TAP2: variants seen among roughly 807,000 people sequenced by gnomAD.
TAP2 encodes antigen peptide transporter 2.
In TAP2, 49 loss-of-function variants were observed where a neutral mutation model predicts 74.7. The observed-to-expected ratio is 0.66, with a 90% CI of 0.52 to 0.83. The LOEUF (loss-of-function observed/expected upper bound fraction) is 0.83. Among genes scored for constraint, TAP2 ranks in the 40% least tolerant of loss-of-function variants. The pLI, the probability that TAP2 is intolerant of heterozygous loss-of-function variation, is 0.00. For missense variants in TAP2, 739 were observed against 859.0 expected, an observed-to-expected ratio of 0.86 and a Z score of 1.75; for synonymous variants, 306 against 368.4, an observed-to-expected ratio of 0.83 and a Z score of 1.94.
chr6:32,822,143 G>A, downstream of TAP2: 2 of 682,012 alleles, frequency 2.9e-6, no homozygotes, highest in Non-Finnish European at 5.1e-6. Context: ...CTCACCCGAA[G>A]TATTGTTTTA....
In TAP2 at chr6:32,829,457, C is replaced by T. The variant is rs554667350; in HGVS notation, c.1875G>A (p.Pro625=). Residue 625 remains proline (P), a synonymous_variant, in exon 11 of 12, where the codon CCG becomes CCA. Transcript: ENST00000374897. The part of the protein sequence containing the change: ...LAIARALVRD[P]RVLILDEATS... Reference sequence around the variant, plus strand: ...TAGCCTCATCCAGGATGAGGACCCGCGGGTCTCGTACAAGGGCCCGGGCAA... The same window carrying T: ...TAGCCTCATCCAGGATGAGGACCCGTGGGTCTCGTACAAGGGCCCGGGCAA... The T allele has an allele frequency of 3.8e-5, 62 of 1,613,436 alleles. 1 individual carries two copies. Among genetic ancestry groups the T allele is most frequent in the Middle Eastern group, 1.7e-4 (1 of 6,060 alleles).
downstream of TAP2, chr6:32,822,241 A>C (rs1297018657): frequency 4.2e-6 from 6 of 1,413,142 alleles, no homozygotes; most frequent in Non-Finnish European, 5.9e-6. Flanking sequence ...TTTGTTCCAC[A>C]TATTCGTTCA....
chr6:32,830,918 A>G, intron 7 of TAP2, 112 bp from the exon 8 acceptor site: 3 of 964,076 alleles, frequency 3.1e-6, no homozygotes, highest in Non-Finnish European at 4.8e-6. Context: ...CTCCATACTC[A>G]AAAGAGATTC....
At position 32,835,050 on chromosome 6, in the gene TAP2, G is replaced by A. The variant is rs1769321301; in HGVS notation, c.945+104C>T. On this transcript the variant is annotated intron_variant, in intron 5 of 11. Coordinates refer to ENST00000374897, the MANE Select transcript of TAP2 (RefSeq NM_001290043.2). The surrounding 1 kb of genome is among the most constrained non-coding windows in gnomAD (Gnocchi z 4.0). ...ATATACCTTCTCCCCTAATGGCTGAGAAGAGAACATCTCTCTCTAGGGGAT... is the reference window on the plus strand; with the variant it reads ...ATATACCTTCTCCCCTAATGGCTGAAAAGAGAACATCTCTCTCTAGGGGAT... 1 of 1,222,396 alleles carries A rather than the reference G, an allele frequency of 8.2e-7. No individual in the cohort carries two copies. The highest frequency in any genetic ancestry group is 2.4e-5 in the East Asian group (1 of 41,028). The allele number at this position is 1,222,396 out of a possible 1,614,324, so 75.7% of individuals were successfully genotyped here. A position where few individuals can be genotyped will look rare whatever the true frequency, so the allele number is the denominator to read the frequency against.
At chr6:32,825,171 T>C (rs776222752), downstream of TAP2, among the ~76,000 whole-genome samples, 1 of 137,814 alleles carries the variant, frequency 7.3e-6, no homozygotes, top group Non-Finnish European at 1.6e-5. Context: ...AACTCATATG[T>C]TGCTGCTGGA....
At position 32,827,933 on chromosome 6, in the gene TAP2, C is replaced by T; in HGVS notation, c.*973G>A. On this transcript the variant is annotated 3_prime_UTR_variant, in exon 12 of 12. Coordinates refer to ENST00000374897, the MANE Select transcript of TAP2 (RefSeq NM_001290043.2). Reference sequence around the variant, plus strand: ...ATGAGTGAAGACTATAACAACGGGACTGGAGAGAAGAGAATAGATTCTGAA... The same window carrying T: ...ATGAGTGAAGACTATAACAACGGGATTGGAGAGAAGAGAATAGATTCTGAA... The T allele has an allele frequency of 1.0e-6, 1 of 983,184 alleles. No individual in the cohort carries two copies. Among genetic ancestry groups the T allele is most frequent in the Non-Finnish European group, 1.2e-6 (1 of 827,976 alleles). The allele number at this position is 983,184 out of a possible 1,614,324, so 60.9% of individuals were successfully genotyped here. A position where few individuals can be genotyped will look rare whatever the true frequency, so the allele number is the denominator to read the frequency against.
At chr6:32,829,088 T>C in intron 11 of TAP2, 54 bp from the exon 12 acceptor site, 1 of 1,518,610 alleles carries the variant, frequency 6.6e-7, no homozygotes, top group Non-Finnish European at 8.9e-7. Flanking sequence ...GGACACCACA[T>C]CCACCTGGGC....
At position 32,835,768 on chromosome 6, in the gene TAP2, A is replaced by G; in HGVS notation, c.614T>C (p.Leu205Pro). The G allele has an allele frequency of 6.2e-7, 1 of 1,613,176 alleles. No homozygotes were observed. Among genetic ancestry groups the G allele is most frequent in the Non-Finnish European group, 8.5e-7 (1 of 1,180,028 alleles). The change falls in exon 4 of 12, where the codon CTG becomes CCG. Residue 205 changes from leucine (L) to proline (P), a missense_variant. Transcript: ENST00000374897. This position sits in a 1 kb window ranked among gnomAD's most constrained non-coding sequence, Gnocchi z 4.0. ...FMCLFSFGSS[L>P]SAGCRGGCFT... ...GCAGCCTCCTCGGCAGCCTGCAGACAGTGAGCTGTGGGGTAGGAGAATAAG... is the reference window on the plus strand; with the variant it reads ...GCAGCCTCCTCGGCAGCCTGCAGACGGTGAGCTGTGGGGTAGGAGAATAAG...
At chr6:32,831,465 A>G (rs1006727499) in intron 7 of TAP2, among the ~76,000 whole-genome samples, 3 of 152,378 alleles carry the variant, frequency 2.0e-5, no homozygotes, top group Admixed American at 6.5e-5. Flanking sequence ...ATGTTGCCAC[A>G]AATAGAGAAC....
chr6:32,830,107 G>GGGCAGA lies in TAP2; in HGVS notation c.1636-24_1636-19dup. The stretch of plus-strand genomic sequence containing the variant: ...GAAACCACCTGTGCAGCAGGGACAG[G>GGGCAGA]GGCAGAGGACTATGTGTAAACCCCC... On this transcript the variant is annotated intron_variant, in intron 9 of 11. Transcript: ENST00000374897. The GGGCAGA allele has an allele frequency of 6.2e-7, 1 of 1,612,878 alleles. No homozygotes were observed. The highest frequency in any genetic ancestry group is 8.5e-7 in the Non-Finnish European group (1 of 1,180,000).
At position 32,827,297 on chromosome 6, in the gene TAP2, G is replaced by A. The variant is rs1249007115; in HGVS notation, c.*1609C>T. ...TTCAGTGGTGGGAGTGGGCAGGGAG[G>A]ATTAAGATTAGTACGATGGTGGAGA... is the stretch of plus-strand genomic sequence containing the variant. On this transcript the variant is annotated 3_prime_UTR_variant, in exon 12 of 12. Coordinates refer to ENST00000374897, the MANE Select transcript of TAP2 (RefSeq NM_001290043.2). 1 of 985,312 alleles carries A rather than the reference G, an allele frequency of 1.0e-6. No homozygotes were observed. The highest frequency in any genetic ancestry group is 1.2e-6 in the Non-Finnish European group (1 of 829,940). The allele number at this position is 985,312 out of a possible 1,614,324, so 61.0% of individuals were successfully genotyped here. A position where few individuals can be genotyped will look rare whatever the true frequency, so the allele number is the denominator to read the frequency against.
chr6:32,832,814 C>A lies in TAP2; in HGVS notation c.956G>T (p.Arg319Leu). Residue 319 changes from arginine to leucine, a missense_variant, in exon 6 of 12, where the codon CGG becomes CTG. Coordinates refer to ENST00000374897, the MANE Select transcript of TAP2 (RefSeq NM_001290043.2). This position sits in a 1 kb window ranked among gnomAD's most constrained non-coding sequence, Gnocchi z 5.9. Reference sequence around the variant, plus strand: ...CCTGGCCACTGCATCCTGGATCTCCCGAAGCACTTCCTGGAAAAGAGGGCC... The same window carrying A: ...CCTGGCCACTGCATCCTGGATCTCCAGAAGCACTTCCTGGAAAAGAGGGCC... ...VYNTRHQEVL[R>L]EIQDAVARAG... 1 of 1,612,438 alleles carries A rather than the reference C, an allele frequency of 6.2e-7. No individual in the cohort carries two copies. The highest frequency in any genetic ancestry group is 8.5e-7 in the Non-Finnish European group (1 of 1,180,026).
At chr6:32,830,237 C>T in intron 9 of TAP2, 30 bp downstream of exon 9, 1 of 1,612,924 alleles carries the variant, frequency 6.2e-7, no homozygotes, top group Non-Finnish European at 8.5e-7. Context: ...CTCCCCTCTC[C>T]TGTCCCCTGT....
chr6:32,822,384 T>C, downstream of TAP2: 1 of 1,043,502 alleles, frequency 9.6e-7, no homozygotes, highest in Non-Finnish European at 1.4e-6. Context: ...TGCTAGAATC[T>C]GTTTGCAATG....
chr6:32,829,853 A>G (rs1020809076), intron 10 of TAP2, 77 bp downstream of exon 10: 4 of 1,585,860 alleles, frequency 2.5e-6, no homozygotes, highest in Non-Finnish European at 3.5e-6. Context: ...CTACAGGGAC[A>G]CGACCTTCAC....
At chr6:32,838,551 T>G in intron 1 of TAP2, 102 bp downstream of exon 1, 1 of 323,604 alleles carries the variant, frequency 3.1e-6, no homozygotes, top group East Asian at 4.8e-5. Context: ...CGCTCCCTCC[T>G]ATCGCCGGGT....
At chr6:32,833,815 T>C (rs959526583) in intron 5 of TAP2, among the ~76,000 whole-genome samples, 2 of 152,214 alleles carry the variant, frequency 1.3e-5, no homozygotes, top group Non-Finnish European at 2.9e-5. Flanking sequence ...AGGAGGTAAT[T>C]GAATCATGAG....
chr6:32,832,615 C>A lies in TAP2; in HGVS notation c.1143+12G>T. On this transcript the variant is annotated intron_variant, in intron 6 of 11. Transcript: ENST00000374897. The surrounding 1 kb of genome is among the most constrained non-coding windows in gnomAD (Gnocchi z 5.9). ...TTCCTGGGCTCCTTTCACAACCACT[C>A]TGGTATCTTACCCTCCTTACGAGCA... is the stretch of plus-strand genomic sequence containing the variant. 4.3e-6 allele frequency: 7 copies of A among 1,613,108 alleles called. No homozygotes were observed. Among genetic ancestry groups the A allele is most frequent in the Non-Finnish European group, 5.9e-6 (7 of 1,180,036 alleles).
rs1336154902 is a variant in TAP2 at position 32,838,731 on chromosome 6, A to G, written c.-83T>C. 6.5e-6 allele frequency: 1 copy of G among 154,980 alleles called. No homozygotes were observed. Among genetic ancestry groups the G allele is most frequent in the Non-Finnish European group, 1.4e-5 (1 of 70,110 alleles). The allele number at this position is 154,980 out of a possible 1,614,324, so 9.6% of individuals were successfully genotyped here. A position where few individuals can be genotyped will look rare whatever the true frequency, so the allele number is the denominator to read the frequency against. On this transcript the variant is annotated 5_prime_UTR_variant, in exon 1 of 12. Coordinates refer to ENST00000374897, the MANE Select transcript of TAP2 (RefSeq NM_001290043.2). ...CCGCTCCGTCTCTCCCAACCTCGCT[A>G]CCGGCTCTGGTCCGCCAGCTACGCT... is the stretch of plus-strand genomic sequence containing the variant.
Sources: gnomAD v4.1 joint callset for allele counts (sites outside exome capture counted in the v4.1 genomes callset) on GRCh38, gnomAD v4.1.1 for gene constraint, Gnocchi (gnomAD v3.1) non-coding constraint, MANE v1.5 for transcripts, NCBI Gene and HGNC (gene_info 2026-07-23, HGNC 2026-07-21) for gene names.